The following MYO1D variants were observed in gnomAD, a reference collection of about 807,000 sequenced individuals.
The protein encoded by MYO1D is unconventional myosin-Id.
A neutral mutation model predicts 122.0 loss-of-function variants in MYO1D; 83 were observed. That is an observed-to-expected ratio of 0.68 (90% CI 0.57 to 0.82). The LOEUF (loss-of-function observed/expected upper bound fraction) is 0.82. Among genes scored for constraint, MYO1D ranks in the 40% least tolerant of loss-of-function variants. The pLI is 0.00. For synonymous variants in MYO1D, 464 were observed against 446.9 expected (o/e 1.04, Z -0.48); for missense variants, 1,157 against 1,269.5 (o/e 0.91, Z 1.35).
At chr17:32,837,599 A>G (rs942079444) in intron 1 of MYO1D, among the ~76,000 whole-genome samples, 4 of 152,144 alleles carry the variant, frequency 2.6e-5, no homozygotes, top group Non-Finnish European at 5.9e-5. Flanking sequence ...TCTTTCCTTC[A>G]TCCATACTCA....
At chr17:32,717,763 T>A (rs1346441311) in intron 15 of MYO1D, among the ~76,000 whole-genome samples, 3 of 152,254 alleles carry the variant, frequency 2.0e-5, no homozygotes, top group Admixed American at 2.0e-4. Context: ...GTTTGTCTTT[T>A]TTTCTTGGGA....
intron 16 of MYO1D, among the ~76,000 whole-genome samples, chr17:32,691,409 T>A (rs1314381208): frequency 6.8e-6 from 1 of 146,790 alleles, no homozygotes; most frequent in African/African-American, 2.5e-5. Flanking sequence ...AAATTCTTTT[T>A]TTTTTTTTTT....
chr17:32,568,052 G>C (rs943091822), intron 21 of MYO1D, among the ~76,000 whole-genome samples: 1 of 151,728 alleles, frequency 6.6e-6, no homozygotes, highest in East Asian at 1.9e-4. Context: ...CCTAGAAAAA[G>C]GTCACGCAAA....
At chr17:32,515,010 C>A (rs1909840429) in intron 21 of MYO1D, among the ~76,000 whole-genome samples, 1 of 152,242 alleles carries the variant, frequency 6.6e-6, no homozygotes. Context: ...GGATAATGTT[C>A]TTTTTTCTAG....
chr17:32,829,671 T>G (rs1021582571), intron 1 of MYO1D, among the ~76,000 whole-genome samples: 4 of 152,202 alleles, frequency 2.6e-5, no homozygotes, highest in African/African-American at 9.6e-5. Context: ...GCCAGGCTGA[T>G]CTCAAACTCC....
chr17:32,718,196 A>G lies in MYO1D; in HGVS notation c.1913+2827T>C, dbSNP rs117160595. Among the ~76,000 whole-genome samples, 131 of 152,352 alleles carry G rather than the reference A, an allele frequency of 8.6e-4. 3 individuals carry two copies. The East Asian group carries it at 0.022, about 25-fold the overall frequency. The stretch of plus-strand genomic sequence containing the variant: ...ACATTTAAGTATATAATTCAAGTAT[A>G]TAATTCAAGTTCTGACAAACGTGTA... On this transcript the variant is annotated intron_variant, in intron 15 of 21. Coordinates refer to ENST00000318217, the MANE Select transcript of MYO1D (RefSeq NM_015194.3).
intron 12 of MYO1D, 58 bp downstream of exon 12, chr17:32,748,878 T>C (rs2089868298): frequency 6.9e-7 from 1 of 1,450,364 alleles, no homozygotes; most frequent in Non-Finnish European, 9.6e-7. Context: ...TTCCTGGTTG[T>C]ATTTTCTAAA....
At chr17:32,805,504 C>CTGTT (rs1344557630) in intron 1 of MYO1D, among the ~76,000 whole-genome samples, 1 of 152,082 alleles carries the variant, frequency 6.6e-6, no homozygotes, top group Non-Finnish European at 1.5e-5. Flanking sequence ...ATTGTACTAG[C>CTGTT]TGTTACTTGG....
chr17:32,502,436 G>A (rs1475315819), intron 21 of MYO1D, among the ~76,000 whole-genome samples: 2 of 152,160 alleles, frequency 1.3e-5, no homozygotes, highest in African/African-American at 4.8e-5. Flanking sequence ...TGCTTAGAGG[G>A]CATAGGGTCT....
At chr17:32,507,897 T>A (rs1289195166) in intron 21 of MYO1D, among the ~76,000 whole-genome samples, 1 of 148,850 alleles carries the variant, frequency 6.7e-6, no homozygotes, top group Non-Finnish European at 1.5e-5. Context: ...CTGGACTTTT[T>A]TTTTTTTTTT....
rs1212541192 is a variant in MYO1D at position 32,494,456 on chromosome 17, C to T, written c.*303G>A. ...GCTCTGACTTGACCTGGCCACGGGG[C>T]ATCCGCACCAACTAAAGGCACCATC... is the stretch of plus-strand genomic sequence containing the variant. On this transcript the variant is annotated 3_prime_UTR_variant, in exon 22 of 22. Coordinates refer to ENST00000318217, the MANE Select transcript of MYO1D (RefSeq NM_015194.3). The T allele has an allele frequency of 2.2e-5, 8 of 367,636 alleles. No homozygotes were observed. In the East Asian group the frequency reaches 4.1e-4, roughly 19 times the overall value. 22.8% of individuals were successfully genotyped at this position (367,636 alleles called of 1,614,324 possible). A position where few individuals can be genotyped will look rare whatever the true frequency, so the allele number is the denominator to read the frequency against.
chr17:32,689,152 A>C (rs916432425), intron 16 of MYO1D, among the ~76,000 whole-genome samples: 2 of 152,190 alleles, frequency 1.3e-5, no homozygotes, highest in Admixed American at 6.5e-5. Context: ...GGCTGAAATA[A>C]TGTGATCATA....
At chr17:32,625,768 T>C (rs539099818) in intron 20 of MYO1D, among the ~76,000 whole-genome samples, 12 of 152,254 alleles carry the variant, frequency 7.9e-5, no homozygotes, top group Non-Finnish European at 1.5e-4. Context: ...TGAGTGCAGG[T>C]GATCTGCCTG....
chr17:32,546,178 C>T (rs988151345), intron 21 of MYO1D, among the ~76,000 whole-genome samples: 2 of 152,112 alleles, frequency 1.3e-5, no homozygotes, highest in Admixed American at 6.5e-5. Context: ...ATGCTGCACC[C>T]GGTAGAAATG....
At position 32,767,890 on chromosome 17, in the gene MYO1D, T is replaced by A. The variant is rs546363461; in HGVS notation, c.715-138A>T. The A allele has an allele frequency of 6.7e-6, 4 of 597,276 alleles. No individual in the cohort carries two copies. In the East Asian group the frequency reaches 1.1e-4, roughly 17 times the overall value. 37.0% of individuals were successfully genotyped at this position (597,276 alleles called of 1,614,324 possible). A position where few individuals can be genotyped will look rare whatever the true frequency, so the allele number is the denominator to read the frequency against. On this transcript the variant is annotated intron_variant, in intron 6 of 21. Coordinates refer to ENST00000318217, the MANE Select transcript of MYO1D (RefSeq NM_015194.3). Reference sequence around the variant, plus strand: ...GGGGATGGTGAGTCTCCAGAGAAAATAAAAATGATTTCACGAGTTGCAACA... The same window carrying A: ...GGGGATGGTGAGTCTCCAGAGAAAAAAAAAATGATTTCACGAGTTGCAACA...
At chr17:32,855,550 C>T (rs1297205091) in intron 1 of MYO1D, among the ~76,000 whole-genome samples, 6 of 152,090 alleles carry the variant, frequency 3.9e-5, no homozygotes, top group Admixed American at 3.9e-4. Flanking sequence ...TGTATGAATA[C>T]AATTTATTTT....
At chr17:32,503,924 G>T (rs1909408227) in intron 21 of MYO1D, among the ~76,000 whole-genome samples, 1 of 152,198 alleles carries the variant, frequency 6.6e-6, no homozygotes, top group Admixed American at 6.5e-5. Context: ...TTCTGTTTAT[G>T]TCAGGGTCGA....
chr17:32,582,917 TAA>T (rs1029292612), intron 21 of MYO1D, among the ~76,000 whole-genome samples: 2 of 152,202 alleles, frequency 1.3e-5, no homozygotes, highest in African/African-American at 4.8e-5. Flanking sequence ...AATTGTTTTT[TAA>T]AAAGATTTAA....
At chr17:32,632,586 TACACACACACACAC>T (rs71144846) in intron 20 of MYO1D, 25 of 96,600 alleles carry the variant, frequency 2.6e-4, no homozygotes, top group African/African-American at 7.7e-4. Flanking sequence ...TATATATATA[TACACACACACACAC>T]ACACACACAC....
Sources: allele counts gnomAD v4.1 joint callset (sites outside exome capture counted in the v4.1 genomes callset), GRCh38; gene constraint gnomAD v4.1.1; transcripts MANE v1.5; gene names NCBI Gene and HGNC (gene_info 2026-07-23, HGNC 2026-07-21).